MICALL2: variants seen among roughly 807,000 people sequenced by gnomAD.
MICALL2 encodes MICAL-like protein 2.
In MICALL2, 111 loss-of-function variants were observed where a neutral mutation model predicts 91.1. The ratio of observed to expected loss-of-function variants is 1.22; its 90% CI spans 1.04 to 1.43. MICALL2 has a LOEUF of 1.43. MICALL2 is among the 40% of genes most tolerant of loss of function. MICALL2 has a pLI of 0.00. For synonymous variants in MICALL2, 694 were observed against 525.3 expected, an observed-to-expected ratio of 1.32 and a Z score of -4.39; for missense variants, 1,556 against 1,236.0, an observed-to-expected ratio of 1.26 and a Z score of -3.88.
At chr7:1,446,555 G>T in intron 5 of MICALL2, 158 bp downstream of exon 5, 1 of 563,866 alleles carries the variant, frequency 1.8e-6, no homozygotes, top group South Asian at 1.9e-5. Flanking sequence ...GGCGGGAGGA[G>T]GGGAGACGGG....
rs1780023581 is a variant in MICALL2 at position 1,437,359 on chromosome 7, C to G, written c.2476+176G>C. ...AGCACAGCAAGGTTAAGTACCTTGG[C>G]TGAGGACACACAGCCAGGAGGTGGG... is the stretch of plus-strand genomic sequence containing the variant. On this transcript the variant is annotated intron_variant, in intron 14 of 16. Transcript: ENST00000297508. The G allele has an allele frequency of 6.5e-6, 4 of 612,830 alleles. No homozygotes were observed. In the East Asian group the frequency reaches 1.2e-4, roughly 18 times the overall value. 38.0% of individuals were successfully genotyped at this position (612,830 alleles called of 1,614,324 possible). A position where few individuals can be genotyped will look rare whatever the true frequency, so the allele number is the denominator to read the frequency against.
intron 15 of MICALL2, among the ~76,000 whole-genome samples, chr7:1,435,717 G>A (rs1779935303): frequency 1.3e-5 from 2 of 152,350 alleles, no homozygotes; most frequent in South Asian, 2.1e-4. Flanking sequence ...CACAGTCCGT[G>A]CAGGAGCCAG....
chr7:1,438,553 A>G, intron 10 of MICALL2, 200 bp from the exon 11 acceptor site: 1 of 1,426,380 alleles, frequency 7.0e-7, no homozygotes. Flanking sequence ...CCCACCCTGC[A>G]CCCTGCCCTC....
intron 14 of MICALL2, chr7:1,437,102 C>A: frequency 2.0e-6 from 1 of 490,414 alleles, no homozygotes. Flanking sequence ...GAGATATGGA[C>A]ACTGAGGCTC....
chr7:1,453,396 G>A (rs1000529572), intron 1 of MICALL2, among the ~76,000 whole-genome samples: 5 of 152,132 alleles, frequency 3.3e-5, no homozygotes, highest in Admixed American at 6.5e-5. Context: ...CCACCCCAGA[G>A]CCAAGGAGAG....
At position 1,435,112 on chromosome 7, in the gene MICALL2, A is replaced by C; in HGVS notation, c.2627T>G (p.Ile876Ser). 2 of 1,613,312 alleles carry C rather than the reference A, an allele frequency of 1.2e-6. No individual in the cohort carries two copies. Among genetic ancestry groups the C allele is most frequent in the Non-Finnish European group, 1.7e-6 (2 of 1,179,912 alleles). The change falls in exon 16 of 17, where the codon ATT becomes AGT. Residue 876 changes from isoleucine (I) to serine (S), a missense_variant. Transcript: ENST00000297508. ...CCCGGCCCAGTCACCCAGCTTCTCA[A>C]TCATGTCCCGCAGCATCTGATCCTC... ...QEEDQMLRDMIEKLGLQRKKS... is the reference protein window; with the variant it reads ...QEEDQMLRDMSEKLGLQRKKS...
At chr7:1,443,794 G>A (rs537785695) in intron 6 of MICALL2, among the ~76,000 whole-genome samples, 1 of 152,340 alleles carries the variant, frequency 6.6e-6, no homozygotes, top group East Asian at 1.9e-4. Context: ...CCGCCTCAAG[G>A]TCAGACTTCT....
At chr7:1,439,619 A>G (rs1780177981) in intron 9 of MICALL2, 1 of 320,482 alleles carries the variant, frequency 3.1e-6, no homozygotes, top group Non-Finnish European at 5.7e-6. Context: ...CATCACATAC[A>G]TGAACAGACA....
intron 10 of MICALL2, 103 bp downstream of exon 10, chr7:1,438,737 G>C (rs201350191): frequency 6.6e-7 from 1 of 1,506,982 alleles, no homozygotes. Context: ...CTCCATTCTA[G>C]GTCCTGTGAA....
At chr7:1,434,727 G>C (rs1779881832) in intron 16 of MICALL2, 55 bp from the exon 17 acceptor site, 1 of 1,486,552 alleles carries the variant, frequency 6.7e-7, no homozygotes, top group South Asian at 1.3e-5. Flanking sequence ...GCACAGCCGT[G>C]GCCCACACAA....
chr7:1,447,271 A>G (rs1780641469), intron 4 of MICALL2, among the ~76,000 whole-genome samples: 1 of 152,150 alleles, frequency 6.6e-6, no homozygotes, highest in Non-Finnish European at 1.5e-5. Context: ...GGCCTTGGGT[A>G]CAGGGCATAG....
rs942184057 is a variant in MICALL2 at position 1,452,855 on chromosome 7, C to T, written c.144-2567G>A. 6.6e-5 allele frequency among the ~76,000 whole-genome samples: 10 copies of T among 152,122 alleles called. No homozygotes were observed. Among genetic ancestry groups the T allele is most frequent in the South Asian group, 2.1e-4 (1 of 4,826 alleles). On this transcript the variant is annotated intron_variant, in intron 1 of 16. Transcript: ENST00000297508. The surrounding 1 kb of genome is among the most constrained non-coding windows in gnomAD (Gnocchi z 6.2). ...CCTATTCAACTGGGCTGCACCACCCCGGCCGGTCCCACAGCCACCACCCAT... is the reference window on the plus strand; with the variant it reads ...CCTATTCAACTGGGCTGCACCACCCTGGCCGGTCCCACAGCCACCACCCAT...
At chr7:1,439,524 CACAG>C (rs1164777785) in intron 9 of MICALL2, 10 of 196,440 alleles carry the variant, frequency 5.1e-5, no homozygotes, top group Middle Eastern at 1.7e-3. Context: ...CATACACGAA[CACAG>C]ACACATGGAC....
In MICALL2 at chr7:1,446,847, CCT is replaced by C. The variant is rs1382576527; in HGVS notation, c.526-21_526-20del. 1.3e-6 allele frequency: 2 copies of C among 1,524,090 alleles called. No homozygotes were observed. Among genetic ancestry groups the C allele is most frequent in the Admixed American group, 3.7e-5 (2 of 54,224 alleles). 94.4% of individuals were successfully genotyped at this position (1,524,090 alleles called of 1,614,324 possible). ...CCTGGTCCTGGGGAAGATGCCAGCA[CCT>C]CTCTGAGCAGCCGTCCACCCAGCCC... is the stretch of plus-strand genomic sequence containing the variant. On this transcript the variant is annotated intron_variant, in intron 4 of 16. Coordinates refer to ENST00000297508, the MANE Select transcript of MICALL2 (RefSeq NM_182924.4).
intron 1 of MICALL2, 184 bp from the exon 2 acceptor site, chr7:1,450,472 G>A (rs766100602): frequency 2.7e-4 from 164 of 609,822 alleles, no homozygotes; most frequent in Middle Eastern, 4.5e-4. Flanking sequence ...CTCCGGCCAC[G>A]GTGATGCTGC....
intron 1 of MICALL2, among the ~76,000 whole-genome samples, chr7:1,456,561 G>T (rs1584238716): frequency 1.3e-5 from 2 of 152,256 alleles, no homozygotes; most frequent in Admixed American, 6.5e-5. Flanking sequence ...ACTCCAGCCT[G>T]GGCGACAGAG....
intron 7 of MICALL2, chr7:1,441,024 C>T (rs999865017): frequency 6.1e-6 from 2 of 325,216 alleles, no homozygotes; most frequent in Non-Finnish European, 1.2e-5. Context: ...CACGGCTGCC[C>T]GTCTGCAGGC....
At chr7:1,446,544 A>C in intron 5 of MICALL2, 169 bp downstream of exon 5, 6 of 510,710 alleles carry the variant, frequency 1.2e-5, no homozygotes, top group South Asian at 3.9e-5. Context: ...AGAGGGGAGG[A>C]GGCGGGAGGA....
Position 1,444,953 on chromosome 7 carries a change from G to A in MICALL2, c.1117C>T (p.Pro373Ser), listed in dbSNP as rs1780499315. 7.9e-6 allele frequency: 12 copies of A among 1,510,876 alleles called. No individual in the cohort carries two copies. The highest frequency in any genetic ancestry group is 8.8e-6 in the Non-Finnish European group (10 of 1,130,724). The allele number at this position is 1,510,876 out of a possible 1,614,324, so 93.6% of individuals were successfully genotyped here. A position where few individuals can be genotyped will look rare whatever the true frequency, so the allele number is the denominator to read the frequency against. The change falls in exon 6 of 17, where the codon CCG (proline) becomes TCG (serine). Residue 373 changes from proline to serine, a missense_variant. Physicochemically the swap from Pro to Ser is moderately conservative, Grantham distance 74. Coordinates refer to ENST00000297508, the MANE Select transcript of MICALL2 (RefSeq NM_182924.4). ...GCTCCCCCACCCTGGGGTGTGGCCG[G>A]GCGAGGGTCTGGGGCACTCGGGGGC... is the stretch of plus-strand genomic sequence containing the variant. ...AVPPSAPDPR[P>S]ATPQGGGAPR...
Sources: gnomAD v4.1 joint callset for allele counts (sites outside exome capture counted in the v4.1 genomes callset) on GRCh38, gnomAD v4.1.1 for gene constraint, Gnocchi (gnomAD v3.1) non-coding constraint, MANE v1.5 for transcripts, NCBI Gene and HGNC (gene_info 2026-07-23, HGNC 2026-07-21) for gene names.